Variants in IQSEC1 observed in about 807,000 individuals in gnomAD.
IQSEC1 encodes IQ motif and Sec7 domain ArfGEF 1, also known as IQ motif and SEC7 domain-containing protein 1.
Under a neutral mutation model 91.0 loss-of-function variants are expected in IQSEC1, and 31 were observed. The ratio of observed to expected loss-of-function variants is 0.34; its 90% CI spans 0.26 to 0.46. The LOEUF is 0.46. IQSEC1 is among the 20% of genes least tolerant of loss of function. The probability of loss-of-function intolerance (pLI) is 1.00; values close to 1 mark genes in which losing one functional copy is unlikely to be tolerated. For missense variants in IQSEC1, 1,388 were observed against 1,575.6 expected (o/e 0.88, Z 2.02); for synonymous variants, 699 against 662.6 (o/e 1.05, Z -0.84).
intron 1 of IQSEC1, among the ~76,000 whole-genome samples, chr3:13,180,923 C>A (rs918453077): frequency 6.6e-6 from 1 of 152,174 alleles, no homozygotes; most frequent in African/African-American, 2.4e-5. Context: ...CGAGGGTCCG[C>A]GGCTTCATTC....
chr3:13,205,057 C>A (rs1288073056), intron 1 of IQSEC1, among the ~76,000 whole-genome samples: 1 of 151,890 alleles, frequency 6.6e-6, no homozygotes, highest in South Asian at 2.1e-4. Flanking sequence ...CTCGACCTCC[C>A]AAAGTGCTGG....
At chr3:12,939,824 G>A (rs768095263) in intron 2 of IQSEC1, among the ~76,000 whole-genome samples, 11 of 152,078 alleles carry the variant, frequency 7.2e-5, no homozygotes, top group Non-Finnish European at 1.5e-4. Context: ...TTTCCCCAAT[G>A]TTTAGAATCC....
chr3:13,010,291 C>T (rs946595372), intron 1 of IQSEC1, among the ~76,000 whole-genome samples: 1 of 152,194 alleles, frequency 6.6e-6, no homozygotes, highest in Admixed American at 6.5e-5. Context: ...TTTGGGGAAT[C>T]CAATCCTCCA....
At chr3:13,257,481 C>T (rs1477528963) in intron 1 of IQSEC1, among the ~76,000 whole-genome samples, 1 of 151,814 alleles carries the variant, frequency 6.6e-6, no homozygotes, top group Non-Finnish European at 1.5e-5. Flanking sequence ...TCACCCCCAA[C>T]CAGACTAACC....
chr3:12,977,153 C>A (rs991348244), intron 1 of IQSEC1, among the ~76,000 whole-genome samples: 1 of 152,082 alleles, frequency 6.6e-6, no homozygotes, highest in Non-Finnish European at 1.5e-5. Context: ...TAGAGACTAG[C>A]CTGGGCAACA....
At position 12,967,633 on chromosome 3, in the gene IQSEC1, G is replaced by C; in HGVS notation, c.24-25768C>G. The C allele has an allele frequency of 4.1e-6, 5 of 1,231,266 alleles. No individual in the cohort carries two copies. Among genetic ancestry groups the C allele is most frequent in the Non-Finnish European group, 4.0e-6 (4 of 987,774 alleles). The allele number at this position is 1,231,266 out of a possible 1,614,324, so 76.3% of individuals were successfully genotyped here. The stretch of plus-strand genomic sequence containing the variant: ...AGCGTCCGCCGGCTCCCGCGGCTCC[G>C]GCCCCAAGTCCGAGCCCCAGGCCAG... On this transcript the variant is annotated intron_variant, in intron 1 of 13. Coordinates refer to ENST00000613206, the MANE Select transcript of IQSEC1 (RefSeq NM_001134382.3). The surrounding 1 kb of genome is among the most constrained non-coding windows in gnomAD (Gnocchi z 5.9).
intron 1 of IQSEC1, among the ~76,000 whole-genome samples, chr3:12,972,227 C>T (rs1276236542): frequency 6.6e-6 from 1 of 151,736 alleles, no homozygotes; most frequent in Non-Finnish European, 1.5e-5. Context: ...GGGAGGATCA[C>T]CCGAGTGTAG....
intron 2 of IQSEC1, among the ~76,000 whole-genome samples, chr3:13,123,533 C>T (rs569415515): frequency 2.6e-5 from 4 of 152,186 alleles, no homozygotes; most frequent in South Asian, 2.1e-4. Flanking sequence ...CTTGTGACTT[C>T]GCCATTTTGG....
At position 12,915,112 on chromosome 3, in the gene IQSEC1, G is replaced by A. The variant is rs1484559344; in HGVS notation, c.2182C>T (p.Leu728Phe). ...KKPIGSLHPG[L>F]GCVLSLPHRR... The stretch of plus-strand genomic sequence containing the variant: ...ACCAGAGAAATACTCACACAGCCGA[G>A]CCCGGGATGCAGGGATCCGATCTGC... The change falls in exon 8 of 14, where the codon CTC becomes TTC. Residue 728 changes from leucine (L) to phenylalanine (F), a missense_variant. By Grantham distance (22) the Leu-to-Phe change is conservative (BLOSUM62 0). Around this residue, in one of 2 missense-constraint regions of IQSEC1, gnomAD observed 1,059 missense variants for 1,317.8 expected, o/e 0.80. Transcript: ENST00000613206. The A allele has an allele frequency of 1.2e-6, 2 of 1,608,268 alleles. No homozygotes were observed. Among genetic ancestry groups the A allele is most frequent in the Non-Finnish European group, 1.7e-6 (2 of 1,176,902 alleles).
At chr3:12,974,564 C>A (rs941887729) in intron 1 of IQSEC1, among the ~76,000 whole-genome samples, 1 of 152,210 alleles carries the variant, frequency 6.6e-6, no homozygotes, top group African/African-American at 2.4e-5. Context: ...GGTCTCTATT[C>A]AAGTGGAAGG....
At chr3:13,121,762 C>T (rs1353166344) in intron 2 of IQSEC1, among the ~76,000 whole-genome samples, 1 of 152,196 alleles carries the variant, frequency 6.6e-6, no homozygotes, top group African/African-American at 2.4e-5. Context: ...GGAGGCGCTC[C>T]ATGGTCGCTG....
At position 12,908,456 on chromosome 3, in the gene IQSEC1, G is replaced by C. The variant is rs776962116; in HGVS notation, c.2648C>G (p.Ser883Trp). 1.9e-6 allele frequency: 3 copies of C among 1,613,582 alleles called. No homozygotes were observed. The highest frequency in any genetic ancestry group is 1.7e-5 in the Admixed American group (1 of 60,028). ...MSQCSSLKKE[S>W]GNGTLSRACL... ...GGCCCGGCTCAGTGTTCCGTTGCCC[G>C]ACTCCTTTTTGAGGCTAGAGCACTG... Residue 883 changes from serine (S) to tryptophan (W), a missense_variant, in exon 12 of 14, where the codon TCG (serine) becomes TGG (tryptophan). Coordinates refer to ENST00000613206, the MANE Select transcript of IQSEC1 (RefSeq NM_001134382.3). The surrounding 1 kb of genome is among the most constrained non-coding windows in gnomAD (Gnocchi z 4.9).
intron 1 of IQSEC1, among the ~76,000 whole-genome samples, chr3:12,953,250 A>G (rs998933710): frequency 1.3e-5 from 2 of 152,210 alleles, no homozygotes; most frequent in African/African-American, 2.4e-5. Flanking sequence ...GACCTGTCCA[A>G]TGGCCCATCA....
rs1357553253 is a variant in IQSEC1 at position 12,897,232 on chromosome 3, G to A, written c.*3751C>T. The stretch of plus-strand genomic sequence containing the variant: ...AAGTGAGAATCCGAGAGTTTCAAAG[G>A]ATTTATTTGATTTCCCCACATGATC... On this transcript the variant is annotated 3_prime_UTR_variant, in exon 14 of 14. Transcript: ENST00000613206. 1 of 152,192 alleles carries A rather than the reference G, an allele frequency of 6.6e-6. No homozygotes were observed. Among genetic ancestry groups the A allele is most frequent in the East Asian group, 1.9e-4 (1 of 5,196 alleles). The allele number at this position is 152,192 out of a possible 1,614,324, so 9.4% of individuals were successfully genotyped here. A position where few individuals can be genotyped will look rare whatever the true frequency, so the allele number is the denominator to read the frequency against.
chr3:13,275,066 G>A (rs1365868841), intron 1 of IQSEC1, among the ~76,000 whole-genome samples: 3 of 152,238 alleles, frequency 2.0e-5, no homozygotes, highest in African/African-American at 4.8e-5. Flanking sequence ...CTGGGTGACT[G>A]TGGGCAAACC....
At chr3:12,993,919 C>T (rs1281287917) in intron 1 of IQSEC1, among the ~76,000 whole-genome samples, 3 of 151,594 alleles carry the variant, frequency 2.0e-5, no homozygotes, top group Admixed American at 2.0e-4. Flanking sequence ...CCCCAGGTTC[C>T]CGAGAGCCAA....
At chr3:13,148,005 A>G (rs1302174207) in intron 2 of IQSEC1, among the ~76,000 whole-genome samples, 1 of 152,210 alleles carries the variant, frequency 6.6e-6, no homozygotes, top group Admixed American at 6.5e-5. Flanking sequence ...GCTGAATCCA[A>G]TGGTAGATCT....
intron 2 of IQSEC1, among the ~76,000 whole-genome samples, chr3:13,083,071 C>T (rs962939352): frequency 1.3e-5 from 2 of 152,188 alleles, no homozygotes; most frequent in Non-Finnish European, 2.9e-5. Flanking sequence ...ATCATGTGAC[C>T]ACCTCCCCCA....
intron 1 of IQSEC1, among the ~76,000 whole-genome samples, chr3:13,203,579 G>A (rs1694285823): frequency 6.6e-6 from 1 of 152,162 alleles, no homozygotes; most frequent in Admixed American, 6.5e-5. Context: ...ACACCGGAGA[G>A]GCAAGGAGTG....
Sources: gnomAD v4.1 joint callset for allele counts (sites outside exome capture counted in the v4.1 genomes callset) on GRCh38, gnomAD v4.1.1 for gene constraint, gnomAD v4.1.1 regional missense constraint, Gnocchi (gnomAD v3.1) non-coding constraint, MANE v1.5 for transcripts, NCBI Gene and HGNC (gene_info 2026-07-23, HGNC 2026-07-21) for gene names.